SFRP1: variants seen among roughly 807,000 people sequenced by gnomAD.
SFRP1 encodes secreted frizzled-related protein 1.
In SFRP1, 9 loss-of-function variants were observed where a neutral mutation model predicts 25.9. That is an observed-to-expected ratio of 0.35 (90% CI 0.21 to 0.61). The LOEUF (loss-of-function observed/expected upper bound fraction) is 0.61, where lower values mean the gene tolerates loss of function less well. SFRP1 is among the 20% of genes least tolerant of loss of function. SFRP1 has a pLI of 0.78. For synonymous variants in SFRP1, 178 were observed against 174.0 expected (o/e 1.02, Z -0.18); for missense variants, 346 against 418.2 (o/e 0.83, Z 1.51).
At chr8:41,278,081 C>T (rs759509041) in intron 2 of SFRP1, among the ~76,000 whole-genome samples, 14 of 152,114 alleles carry the variant, frequency 9.2e-5, no homozygotes, top group Non-Finnish European at 1.2e-4. Flanking sequence ...TCTTGGATGA[C>T]GTCTAAACAT....
chr8:41,265,753 C>T (rs2117476026), intron 2 of SFRP1, among the ~76,000 whole-genome samples: 1 of 152,292 alleles, frequency 6.6e-6, no homozygotes, highest in Middle Eastern at 3.4e-3. Flanking sequence ...GTCGGCCATC[C>T]TCCCTCATGT....
intron 1 of SFRP1, chr8:41,306,842 G>C (rs1160243459): frequency 1.9e-6 from 3 of 1,597,950 alleles, no homozygotes; most frequent in Non-Finnish European, 2.5e-6. Flanking sequence ...GCGATTATGG[G>C]GTTTCCCCAT....
intron 2 of SFRP1, among the ~76,000 whole-genome samples, chr8:41,297,775 G>C (rs978782248): frequency 6.6e-6 from 1 of 152,014 alleles, no homozygotes; most frequent in Non-Finnish European, 1.5e-5. Context: ...CTGCTACACT[G>C]CCGGCTTTCC....
At chr8:41,289,052 C>G (rs978360704) in intron 2 of SFRP1, among the ~76,000 whole-genome samples, 1 of 152,234 alleles carries the variant, frequency 6.6e-6, no homozygotes, top group Admixed American at 6.5e-5. Flanking sequence ...CCAACTCAAC[C>G]CTTCAATGAA....
At chr8:41,307,065 A>C (rs1294618833) in intron 1 of SFRP1, 5 of 1,385,892 alleles carry the variant, frequency 3.6e-6, no homozygotes, top group Non-Finnish European at 4.7e-6. Flanking sequence ...ACAGCCTCAC[A>C]GGGCAGGGCT....
intron 2 of SFRP1, among the ~76,000 whole-genome samples, chr8:41,275,587 C>G (rs1224879342): frequency 4.1e-5 from 6 of 147,816 alleles, no homozygotes; most frequent in Non-Finnish European, 9.0e-5. Context: ...ACTGCAACCT[C>G]TGCCTCCTGG....
chr8:41,308,430 G>A (rs531581133), intron 1 of SFRP1, among the ~76,000 whole-genome samples, 186 bp downstream of exon 1: 1 of 152,230 alleles, frequency 6.6e-6, no homozygotes, highest in African/African-American at 2.4e-5. Context: ...GAGGGGCGCT[G>A]AGCGATACCT....
At chr8:41,269,724 C>T (rs1044839831) in intron 2 of SFRP1, among the ~76,000 whole-genome samples, 25 of 152,166 alleles carry the variant, frequency 1.6e-4, no homozygotes, top group African/African-American at 6.0e-4. Context: ...GGCCCAGAGC[C>T]AGTCATTTCA....
chr8:41,294,459 C>T (rs1411963940), intron 2 of SFRP1, among the ~76,000 whole-genome samples: 1 of 152,030 alleles, frequency 6.6e-6, no homozygotes, highest in Admixed American at 6.6e-5. Context: ...AGAGAAAATC[C>T]CCCTCGTAAT....
intron 2 of SFRP1, among the ~76,000 whole-genome samples, chr8:41,300,345 CAAGG>C (rs1187302155): frequency 2.0e-5 from 3 of 152,114 alleles, no homozygotes; most frequent in Non-Finnish European, 4.4e-5. Flanking sequence ...TTCCAGAAGG[CAAGG>C]AAAGTTTCTA....
intron 2 of SFRP1, among the ~76,000 whole-genome samples, chr8:41,280,379 C>T (rs1030494763): frequency 3.6e-4 from 55 of 152,350 alleles, no homozygotes; most frequent in Middle Eastern, 3.4e-3. Context: ...GCACCCGGTC[C>T]TATGTCAAAG....
rs763680000 is a variant in SFRP1, at chr8:41,263,865, T to C, written c.*1302A>G. 3 of 152,158 alleles carry C rather than the reference T, an allele frequency of 2.0e-5. No homozygotes were observed. The highest frequency in any genetic ancestry group is 2.9e-5 in the Non-Finnish European group (2 of 68,034). 9.4% of individuals were successfully genotyped at this position (152,158 alleles called of 1,614,324 possible). ...CATCTGCAGAAATGAAACAAATATA[T>C]GTAAAAAGTGCGGGGGGACAGGCAG... On this transcript the variant is annotated 3_prime_UTR_variant, in exon 3 of 3. Transcript: ENST00000220772.
chr8:41,306,920 T>C, intron 1 of SFRP1: 1 of 1,566,132 alleles, frequency 6.4e-7, no homozygotes. Context: ...ACCCGTCCAA[T>C]CCCCCCATGT....
At chr8:41,279,659 G>A (rs1050972102) in intron 2 of SFRP1, among the ~76,000 whole-genome samples, 1 of 151,904 alleles carries the variant, frequency 6.6e-6, no homozygotes, top group Non-Finnish European at 1.5e-5. Flanking sequence ...TGGGGGCAGA[G>A]AAGGGTCTCA....
rs1804044457 is a variant in SFRP1, at chr8:41,309,378, T to TGGGTGCGCCCC, written c.-230_-220dup. 3.5e-6 allele frequency: 1 copy of TGGGTGCGCCCC among 287,016 alleles called. No homozygotes were observed. The highest frequency in any genetic ancestry group is 5.7e-6 in the Non-Finnish European group (1 of 175,250). The allele number at this position is 287,016 out of a possible 1,614,324, so 17.8% of individuals were successfully genotyped here. ...CGGGCGGGGAGGCGGCGCTGCGGGCTGGGTGCGCCCCGGCTCCCGGAGGTG... is the reference window on the plus strand; with the variant it reads ...CGGGCGGGGAGGCGGCGCTGCGGGCTGGGTGCGCCCCGGGTGCGCCCCGGCTCCCGGAGGTG... On this transcript the variant is annotated 5_prime_UTR_variant, in exon 1 of 3. Coordinates refer to ENST00000220772, the MANE Select transcript of SFRP1 (RefSeq NM_003012.5).
At chr8:41,307,417 C>G (rs926414693) in intron 1 of SFRP1, among the ~76,000 whole-genome samples, 7 of 152,210 alleles carry the variant, frequency 4.6e-5, no homozygotes, top group African/African-American at 9.6e-5. Flanking sequence ...AATCCTCACT[C>G]TGAGGAGCCA....
intron 2 of SFRP1, among the ~76,000 whole-genome samples, chr8:41,288,658 T>C (rs1803739276): frequency 6.6e-6 from 1 of 151,592 alleles, no homozygotes; most frequent in Non-Finnish European, 1.5e-5. Context: ...GGCCATCATT[T>C]GGCAAATGAG....
chr8:41,307,102 G>C, intron 1 of SFRP1: 14 of 1,175,468 alleles, frequency 1.2e-5, no homozygotes, highest in Non-Finnish European at 1.6e-5. Flanking sequence ...GCTGAGGAAG[G>C]GGAGAAGGAA....
Position 41,262,500 on chromosome 8 carries a change from C to T in SFRP1, c.*2667G>A, listed in dbSNP as rs936517590. 5.3e-5 allele frequency: 8 copies of T among 152,230 alleles called. No homozygotes were observed. Among genetic ancestry groups the T allele is most frequent in the South Asian group, 2.1e-4 (1 of 4,830 alleles). 9.4% of individuals were successfully genotyped at this position (152,230 alleles called of 1,614,324 possible). A position where few individuals can be genotyped will look rare whatever the true frequency, so the allele number is the denominator to read the frequency against. On this transcript the variant is annotated 3_prime_UTR_variant, in exon 3 of 3. Transcript: ENST00000220772. ...CAGGTACCAAGAGCCAAGTGTTACA[C>T]AGGATATTTTAAAAATAAAATGTTT...
Sources: allele counts gnomAD v4.1 joint callset (sites outside exome capture counted in the v4.1 genomes callset), GRCh38; gene constraint gnomAD v4.1.1; transcripts MANE v1.5; gene names NCBI Gene and HGNC (gene_info 2026-07-23, HGNC 2026-07-21).